TAF5: variants seen among roughly 807,000 people sequenced by gnomAD.
TAF5 encodes the protein TATA-box binding protein associated factor 5, also known as transcription initiation factor TFIID subunit 5.
A neutral mutation model predicts 80.9 loss-of-function variants in TAF5; 20 were observed. The observed-to-expected ratio is 0.25, with a 90% CI of 0.17 to 0.36. The LOEUF (loss-of-function observed/expected upper bound fraction) is 0.36. Ranked by LOEUF, TAF5 falls within the 10% of genes least tolerant of loss-of-function variation. The probability of loss-of-function intolerance (pLI) is 1.00; values close to 1 mark genes in which losing one functional copy is unlikely to be tolerated. For missense variants in TAF5, 863 were observed against 1,029.4 expected (o/e 0.84, Z 2.21); for synonymous variants, 388 against 406.4 (o/e 0.95, Z 0.55).
At chr10:103,369,313 TC>T (rs2133620717) in intron 1 of TAF5, among the ~76,000 whole-genome samples, 1 of 149,944 alleles carries the variant, frequency 6.7e-6, no homozygotes, top group South Asian at 2.1e-4. Flanking sequence ...GTCCTGCACA[TC>T]ATGTACCCCC....
At chr10:103,385,289 C>CCT in intron 7 of TAF5, 37 bp from the exon 8 acceptor site, 1 of 1,576,138 alleles carries the variant, frequency 6.3e-7, no homozygotes, top group Non-Finnish European at 8.7e-7. Context: ...CCAAAGGTTA[C>CCT]TCTGGGAGTC....
chr10:103,372,077 C>T (rs117008171), intron 1 of TAF5, among the ~76,000 whole-genome samples: 2,245 of 151,522 alleles, frequency 0.015, 34 homozygotes, highest in Middle Eastern at 0.034. Context: ...GCTGGGATTA[C>T]AGGCACGTCT....
chr10:103,381,979 AAC>A, intron 6 of TAF5, 138 bp downstream of exon 6: 3 of 1,265,218 alleles, frequency 2.4e-6, no homozygotes, highest in Admixed American at 2.2e-5. Flanking sequence ...TAACATTCCC[AAC>A]AGTGAAAAAA....
rs1204260124 is a variant in TAF5, at chr10:103,385,193, G to GA, written c.1665-132dup. 8.2e-5 allele frequency: 55 copies of GA among 668,026 alleles called. No homozygotes were observed. In the African/African-American group the frequency reaches 9.6e-4, roughly 12 times the overall value. The allele number at this position is 668,026 out of a possible 1,614,324, so 41.4% of individuals were successfully genotyped here. A position where few individuals can be genotyped will look rare whatever the true frequency, so the allele number is the denominator to read the frequency against. On this transcript the variant is annotated intron_variant, in intron 7 of 10. Transcript: ENST00000369839. ...AATTGCGTGTATGAATTAAAAGTGA[G>GA]ATGCAGCATGTTAGGTATATTTAAT...
At chr10:103,372,124 A>G (rs928999427) in intron 1 of TAF5, among the ~76,000 whole-genome samples, 1 of 150,722 alleles carries the variant, frequency 6.6e-6, no homozygotes, top group African/African-American at 2.4e-5. Flanking sequence ...TTTAGTAGAG[A>G]CGGGGTTTCA....
At chr10:103,369,403 G>C (rs960285212) in intron 1 of TAF5, among the ~76,000 whole-genome samples, 41 of 151,158 alleles carry the variant, frequency 2.7e-4, no homozygotes, top group African/African-American at 1.0e-3. Flanking sequence ...CTGTCGCCCA[G>C]GCTGGAGTAC....
At chr10:103,371,260 AGAG>A (rs1046377773) in intron 1 of TAF5, among the ~76,000 whole-genome samples, 3 of 149,272 alleles carry the variant, frequency 2.0e-5, no homozygotes, top group African/African-American at 7.4e-5. Context: ...AAAAAAAAAA[AGAG>A]AGAGGAATCT....
At chr10:103,369,644 T>C (rs2093354537) in intron 1 of TAF5, among the ~76,000 whole-genome samples, 1 of 152,154 alleles carries the variant, frequency 6.6e-6, no homozygotes, top group South Asian at 2.1e-4. Flanking sequence ...ATTACAGGCA[T>C]GAGCCACCGC....
chr10:103,368,678 C>A, intron 1 of TAF5, 130 bp downstream of exon 1: 1 of 1,237,706 alleles, frequency 8.1e-7, no homozygotes, highest in Non-Finnish European at 1.1e-6. Context: ...GGCCACATGC[C>A]CGCCCCTTTC....
At position 103,373,361 on chromosome 10, in the gene TAF5, G is replaced by T; in HGVS notation, c.563G>T (p.Gly188Val). The T allele has an allele frequency of 6.2e-7, 1 of 1,613,298 alleles. No individual in the cohort carries two copies. The change falls in exon 2 of 11, where the codon GGA becomes GTA. Residue 188 changes from glycine to valine, a missense_variant. By Grantham distance (109) the Gly-to-Val change is moderately radical. Around this residue, in one of 3 missense-constraint regions of TAF5, gnomAD observed 367 missense variants for 335.5 expected, o/e 1.09. Coordinates refer to ENST00000369839, the MANE Select transcript of TAF5 (RefSeq NM_006951.5). ...ASGPAAPGKVGSVAVEDQPDV... is the reference protein window; with the variant it reads ...ASGPAAPGKVVSVAVEDQPDV... ...AAGTTTTTTGTTTTTTAAATAGTTG[G>T]AAGTGTTGCTGTGGAAGACCAGCCA...
intron 2 of TAF5, 99 bp downstream of exon 2, chr10:103,373,694 C>A: frequency 1.1e-6 from 1 of 896,342 alleles, no homozygotes; most frequent in Non-Finnish European, 1.7e-6. Context: ...TGTAAGACTG[C>A]AACTTAAAAA....
In TAF5 at chr10:103,388,115, A is replaced by G. The variant is rs1347924568; in HGVS notation, c.2295A>G (p.Ser765=). 1 of 1,614,052 alleles carries G rather than the reference A, an allele frequency of 6.2e-7. No individual in the cohort carries two copies. The part of the protein sequence containing the change: ...ATGHINLPEN[S]QELLLGTYMT... ...GGCATATAAATTTACCTGAGAATTC[A>G]CAGGAGTTATTGTTGGGAACATATA... The change falls in exon 11 of 11, where the codon TCA becomes TCG. Residue 765 remains serine (S), a synonymous_variant. Coordinates refer to ENST00000369839, the MANE Select transcript of TAF5 (RefSeq NM_006951.5).
At position 103,368,908 on chromosome 10, in the gene TAF5, A is replaced by G. The variant is rs552327290; in HGVS notation, c.559+360A>G. Among the ~76,000 whole-genome samples the G allele has an allele frequency of 2.6e-5, 4 of 152,292 alleles. No individual in the cohort carries two copies. The East Asian group carries it at 7.7e-4, about 29-fold the overall frequency. On this transcript the variant is annotated intron_variant, in intron 1 of 10. Transcript: ENST00000369839. Reference sequence around the variant, plus strand: ...TACAGTTTCGTACTAGCGTACTTTAAGTACTGTAAGTACTTTATTTTCTCT... The same window carrying G: ...TACAGTTTCGTACTAGCGTACTTTAGGTACTGTAAGTACTTTATTTTCTCT...
At chr10:103,372,459 C>T (rs1193792306) in intron 1 of TAF5, among the ~76,000 whole-genome samples, 2 of 151,022 alleles carry the variant, frequency 1.3e-5, no homozygotes, top group Admixed American at 6.6e-5. Context: ...CTCAGCCTCC[C>T]GAGTAGCTGG....
Position 103,387,243 on chromosome 10 carries a change from C to T in TAF5, c.1898C>T (p.Thr633Ile). ...GGCCATCTTGCTGATGTGAATTGTA[C>T]CAGATTCCATCCAAATTCTAATTAT... is the stretch of plus-strand genomic sequence containing the variant. The part of the protein sequence containing the change: ...FAGHLADVNC[T>I]RFHPNSNYVA... Residue 633 changes from threonine to isoleucine, a missense_variant, in exon 9 of 11, where the codon ACC (threonine) becomes ATC (isoleucine). Physicochemically the swap from Thr to Ile is moderately conservative, Grantham distance 89 (BLOSUM62 -1). This residue lies in a region of TAF5 where 368 missense variants were observed against 461.7 expected (regional missense o/e 0.80). Coordinates refer to ENST00000369839, the MANE Select transcript of TAF5 (RefSeq NM_006951.5). 2 of 1,614,132 alleles carry T rather than the reference C, an allele frequency of 1.2e-6. No homozygotes were observed. The highest frequency in any genetic ancestry group is 1.7e-6 in the Non-Finnish European group (2 of 1,180,018).
chr10:103,388,803 TTGAGTGCACC>T lies in TAF5; in HGVS notation c.*581_*590del, dbSNP rs1385486215. 1 of 153,210 alleles carries T rather than the reference TTGAGTGCACC, an allele frequency of 6.5e-6. No individual in the cohort carries two copies. Among genetic ancestry groups the T allele is most frequent in the Non-Finnish European group, 1.5e-5 (1 of 68,518 alleles). 9.5% of individuals were successfully genotyped at this position (153,210 alleles called of 1,614,324 possible). ...TCTGAATTTATATACCTGTTGAGTT[TTGAGTGCACC>T]CAAACACTCGATAAACCAGGTGAAG... On this transcript the variant is annotated 3_prime_UTR_variant, in exon 11 of 11. Transcript: ENST00000369839.
chr10:103,380,552 G>A (rs2093380356), intron 5 of TAF5, among the ~76,000 whole-genome samples: 1 of 152,168 alleles, frequency 6.6e-6, no homozygotes, highest in South Asian at 2.1e-4. Context: ...AGCCTTTGAG[G>A]AGGAGCAAAT....
intron 8 of TAF5, among the ~76,000 whole-genome samples, chr10:103,386,268 G>A (rs964555953): frequency 4.0e-5 from 6 of 151,474 alleles, no homozygotes; most frequent in Non-Finnish European, 8.8e-5. Flanking sequence ...ACGAAACCCC[G>A]TCTCTACTGA....
At chr10:103,386,839 A>G (rs1190493338) in intron 8 of TAF5, among the ~76,000 whole-genome samples, 2 of 151,726 alleles carry the variant, frequency 1.3e-5, no homozygotes, top group African/African-American at 2.4e-5. Context: ...AATTTTTTGT[A>G]TTTTTAGTAA....
Sources: gnomAD v4.1 joint callset for allele counts (sites outside exome capture counted in the v4.1 genomes callset) on GRCh38, gnomAD v4.1.1 for gene constraint, gnomAD v4.1.1 regional missense constraint, MANE v1.5 for transcripts, NCBI Gene and HGNC (gene_info 2026-07-23, HGNC 2026-07-21) for gene names.